Variants in RFX1 observed in about 807,000 individuals in gnomAD.
The protein encoded by RFX1 is MHC class II regulatory factor RFX1.
A neutral mutation model predicts 119.6 loss-of-function variants in RFX1; 42 were observed. That is an observed-to-expected ratio of 0.35 (90% confidence interval 0.27 to 0.45). The LOEUF is 0.45. RFX1 is among the 20% of genes least tolerant of loss of function. The pLI is 1.00. For synonymous variants in RFX1, 628 were observed against 618.5 expected, an observed-to-expected ratio of 1.02 and a Z score of -0.23; for missense variants, 1,118 against 1,368.1, an observed-to-expected ratio of 0.82 and a Z score of 2.88.
chr19:13,972,164 G>A (rs1974103224), intron 9 of RFX1, among the ~76,000 whole-genome samples: 2 of 104,488 alleles, frequency 1.9e-5, no homozygotes, highest in Non-Finnish European at 3.9e-5. Context: ...ACAAAACCCT[G>A]TCTCAAAAAA....
chr19:14,006,753 A>G (rs1975394222), upstream of RFX1: 1 of 152,264 alleles, frequency 6.6e-6, no homozygotes, highest in African/African-American at 2.4e-5. Flanking sequence ...GTCTTACCAA[A>G]TTAAAAAGGC....
intron 18 of RFX1, 65 bp from the exon 19 acceptor site, chr19:13,963,340 C>T (rs1973779371): frequency 6.5e-7 from 1 of 1,532,848 alleles, no homozygotes; most frequent in Admixed American, 1.9e-5. Flanking sequence ...TCCCCCTCCC[C>T]GCTGCGATGC....
intron 5 of RFX1, 88 bp downstream of exon 5, chr19:13,982,033 G>C (rs1974444276): frequency 1.8e-6 from 1 of 552,614 alleles, no homozygotes; most frequent in Admixed American, 4.3e-5. Context: ...TGGGGGGCGG[G>C]GCAGGGAGCC....
Position 13,962,468 on chromosome 19 carries a change from C to A in RFX1, c.*227G>T. 1 of 518,872 alleles carries A rather than the reference C, an allele frequency of 1.9e-6. No homozygotes were observed. The allele number at this position is 518,872 out of a possible 1,614,324, so 32.1% of individuals were successfully genotyped here. On this transcript the variant is annotated 3_prime_UTR_variant, in exon 21 of 21. Transcript: ENST00000254325. The stretch of plus-strand genomic sequence containing the variant: ...CCCCGCGGGGCACCTGGGCACGCGG[C>A]GGGTTCCTTAAGGCACGTCTTTTGT...
chr19:13,983,202 G>C lies in RFX1; in HGVS notation c.498C>G (p.Ile166Met), dbSNP rs1389060071. The C allele has an allele frequency of 6.3e-7, 1 of 1,576,542 alleles. No individual in the cohort carries two copies. The highest frequency in any genetic ancestry group is 1.3e-5 in the African/African-American group (1 of 74,380). Residue 166 changes from isoleucine (I) to methionine (M), a missense_variant, in exon 4 of 21, where the codon ATC becomes ATG. Transcript: ENST00000254325. The stretch of plus-strand genomic sequence containing the variant: ...GCAGCATTACCTGCTGGGGCACTTG[G>C]ATGTTGGTCAGCTGGAGGGGCGACA... ...GHVSPLQLTN[I>M]QVPQQALPTQ... is the part of the protein sequence containing the mutation.
intron 7 of RFX1, among the ~76,000 whole-genome samples, chr19:13,978,365 G>A (rs7247080): frequency 0.028 from 4,218 of 152,232 alleles, 199 homozygotes; most frequent in African/African-American, 0.092. Context: ...TGTAGTGGGC[G>A]TGAAGGTTGG....
At position 13,966,409 on chromosome 19, in the gene RFX1, G is replaced by C; in HGVS notation, c.1961+12C>G. 1 of 1,574,506 alleles carries C rather than the reference G, an allele frequency of 6.4e-7. No individual in the cohort carries two copies. Among genetic ancestry groups the C allele is most frequent in the Non-Finnish European group, 8.7e-7 (1 of 1,145,288 alleles). On this transcript the variant is annotated intron_variant, in intron 14 of 20. Coordinates refer to ENST00000254325, the MANE Select transcript of RFX1 (RefSeq NM_002918.5). The surrounding 1 kb of genome is among the most constrained non-coding windows in gnomAD (Gnocchi z 6.3). ...CCCCCTCTCCCTCCCACAGTCGCCG[G>C]GCAGTACTCACACAGCCAGCGGTGG...
chr19:14,004,838 TA>T (rs922817935), intron 1 of RFX1, among the ~76,000 whole-genome samples: 3 of 150,106 alleles, frequency 2.0e-5, no homozygotes, highest in Non-Finnish European at 3.0e-5. Flanking sequence ...GCTGGCTACT[TA>T]AAAAAAAAAT....
chr19:13,995,347 A>G (rs945810008), intron 1 of RFX1, among the ~76,000 whole-genome samples: 1 of 151,980 alleles, frequency 6.6e-6, no homozygotes, highest in Admixed American at 6.6e-5. Context: ...TAGCATTCCC[A>G]GTGGGAAGGT....
At chr19:14,000,524 G>A (rs1421190687) in intron 1 of RFX1, among the ~76,000 whole-genome samples, 1 of 152,058 alleles carries the variant, frequency 6.6e-6, no homozygotes, top group East Asian at 1.9e-4. Flanking sequence ...ATGACTGGGC[G>A]CAGTGCTCAC....
chr19:13,976,636 GACACATGGT>G (rs1159066831), intron 8 of RFX1, among the ~76,000 whole-genome samples: 5 of 152,222 alleles, frequency 3.3e-5, no homozygotes, highest in Admixed American at 6.5e-5. Flanking sequence ...GACCCACGAG[GACACATGGT>G]AGAAGAGCCA....
In RFX1 at chr19:13,963,077, C is replaced by A. The variant is rs560687844; in HGVS notation, c.2725-38G>T. ...GAGAAGAAAATGGGTGAGGGTCCCG[C>A]CGCCTGGCGCCCCGCCCGCGCCCCC... is the stretch of plus-strand genomic sequence containing the variant. On this transcript the variant is annotated intron_variant, in intron 19 of 20. Transcript: ENST00000254325. The A allele has an allele frequency of 1.9e-6, 3 of 1,601,052 alleles. No homozygotes were observed. In the African/African-American group the frequency reaches 4.0e-5, roughly 21 times the overall value.
chr19:14,005,915 C>T (rs1294332321), intron 1 of RFX1, among the ~76,000 whole-genome samples, 188 bp downstream of exon 1: 3 of 151,618 alleles, frequency 2.0e-5, no homozygotes, highest in Non-Finnish European at 4.4e-5. Context: ...GGGGCCGGGC[C>T]GCGGGGACGG....
At chr19:13,999,615 T>G (rs1975146595) in intron 1 of RFX1, among the ~76,000 whole-genome samples, 1 of 152,254 alleles carries the variant, frequency 6.6e-6, no homozygotes, top group Non-Finnish European at 1.5e-5. Flanking sequence ...AAAATCATTC[T>G]TAGCTCACCA....
rs991865597 is a variant in RFX1, at chr19:13,962,597, T to C, written c.*98A>G. The C allele has an allele frequency of 1.7e-4, 174 of 1,024,676 alleles. No individual in the cohort carries two copies. Among genetic ancestry groups the C allele is most frequent in the Non-Finnish European group, 2.3e-4 (172 of 749,258 alleles). The allele number at this position is 1,024,676 out of a possible 1,614,324, so 63.5% of individuals were successfully genotyped here. On this transcript the variant is annotated 3_prime_UTR_variant, in exon 21 of 21. Transcript: ENST00000254325. ...TGTCTCGGAGTCCCCCTCCCTGCCCTGGCTGAGGCTGGAGCAGTGACCACG... is the reference window on the plus strand; with the variant it reads ...TGTCTCGGAGTCCCCCTCCCTGCCCCGGCTGAGGCTGGAGCAGTGACCACG...
intron 1 of RFX1, among the ~76,000 whole-genome samples, chr19:13,995,099 T>C (rs894252451): frequency 6.6e-6 from 1 of 151,056 alleles, no homozygotes; most frequent in African/African-American, 2.4e-5. Flanking sequence ...CCAACAACCA[T>C]GTCTGGGTTT....
At position 14,006,259 on chromosome 19, in the gene RFX1, G is replaced by C. The variant is rs1190971478; in HGVS notation, c.-209C>G. The C allele has an allele frequency of 6.6e-6, 1 of 152,160 alleles. No homozygotes were observed. The highest frequency in any genetic ancestry group is 1.5e-5 in the Non-Finnish European group (1 of 68,056). 9.4% of individuals were successfully genotyped at this position (152,160 alleles called of 1,614,324 possible). A position where few individuals can be genotyped will look rare whatever the true frequency, so the allele number is the denominator to read the frequency against. ...TTGTTGTTGTTGACTCGCGTTGCCG[G>C]GTTGCTTGGTCGCCACGACTACCGT... On this transcript the variant is annotated 5_prime_UTR_variant, in exon 1 of 21. Coordinates refer to ENST00000254325, the MANE Select transcript of RFX1 (RefSeq NM_002918.5).
At position 13,966,266 on chromosome 19, in the gene RFX1, T is replaced by C. The variant is rs1973893662; in HGVS notation, c.1961+155A>G. 6.6e-6 allele frequency among the ~76,000 whole-genome samples: 1 copy of C among 152,004 alleles called. No homozygotes were observed. The highest frequency in any genetic ancestry group is 1.5e-5 in the Non-Finnish European group (1 of 67,954). On this transcript the variant is annotated intron_variant, in intron 14 of 20. Transcript: ENST00000254325. This position sits in a 1 kb window ranked among gnomAD's most constrained non-coding sequence, Gnocchi z 6.3. ...AGGCACTCCACCCCCGACTGTTGAG[T>C]GTCGGGTGGCTATACACACTCCACA... is the stretch of plus-strand genomic sequence containing the variant.
Position 13,965,351 on chromosome 19 carries a change from G to A in RFX1, c.2211+98C>T, listed in dbSNP as rs771897914. 6.6e-6 allele frequency: 7 copies of A among 1,053,700 alleles called. No homozygotes were observed. The highest frequency in any genetic ancestry group is 8.6e-6 in the Non-Finnish European group (6 of 696,602). 65.3% of individuals were successfully genotyped at this position (1,053,700 alleles called of 1,614,324 possible). A position where few individuals can be genotyped will look rare whatever the true frequency, so the allele number is the denominator to read the frequency against. On this transcript the variant is annotated intron_variant, in intron 16 of 20. Transcript: ENST00000254325. The surrounding 1 kb of genome is among the most constrained non-coding windows in gnomAD (Gnocchi z 4.7). ...CCTTCCTCCACAGGCATCATCCCTG[G>A]AACAGGCGTGGGGACAAATTTTACC...
Sources: gnomAD v4.1 joint callset for allele counts (sites outside exome capture counted in the v4.1 genomes callset) on GRCh38, gnomAD v4.1.1 for gene constraint, Gnocchi (gnomAD v3.1) non-coding constraint, MANE v1.5 for transcripts, NCBI Gene and HGNC (gene_info 2026-07-23, HGNC 2026-07-21) for gene names.